Variants in DMRTA2 observed in about 807,000 individuals in gnomAD.
DMRTA2 encodes the protein DMRT like family A2.
A neutral mutation model predicts 29.7 loss-of-function variants in DMRTA2; 10 were observed. That is an observed-to-expected ratio of 0.34 (90% CI 0.21 to 0.57). The LOEUF is 0.57. Among genes scored for constraint, DMRTA2 ranks in the 20% least tolerant of loss-of-function variants. The pLI, the probability that DMRTA2 is intolerant of heterozygous loss-of-function variation, is 0.87. For synonymous variants in DMRTA2, 469 were observed against 402.6 expected, an observed-to-expected ratio of 1.16 and a Z score of -1.97; for missense variants, 783 against 812.1, an observed-to-expected ratio of 0.96 and a Z score of 0.44.
Position 50,419,143 on chromosome 1 carries a change from G to C in DMRTA2, c.1151C>G (p.Pro384Arg), listed in dbSNP as rs1172573966. 1 of 1,225,050 alleles carries C rather than the reference G, an allele frequency of 8.2e-7. No individual in the cohort carries two copies. The allele number at this position is 1,225,050 out of a possible 1,614,324, so 75.9% of individuals were successfully genotyped here. A position where few individuals can be genotyped will look rare whatever the true frequency, so the allele number is the denominator to read the frequency against. ...GGCGGCGGCGGCGTCGACGCGGCTG[G>C]GCCACGCGTCGTCTGCAGCTGCTGC... The part of the protein sequence containing the change: ...GAAAAADDAW[P>R]SRVDAAAAAA... The change falls in exon 3 of 3, where the codon CCC becomes CGC. Residue 384 changes from proline to arginine, a missense_variant. Coordinates refer to ENST00000404795, the MANE Select transcript of DMRTA2 (RefSeq NM_032110.3). This position sits in a 1 kb window ranked among gnomAD's most constrained non-coding sequence, Gnocchi z 6.1.
chr1:50,418,448 G>T lies in DMRTA2; in HGVS notation c.*217C>A. 2.5e-6 allele frequency: 1 copy of T among 393,698 alleles called. No individual in the cohort carries two copies. The highest frequency in any genetic ancestry group is 4.4e-6 in the Non-Finnish European group (1 of 225,082). 24.4% of individuals were successfully genotyped at this position (393,698 alleles called of 1,614,324 possible). On this transcript the variant is annotated 3_prime_UTR_variant, in exon 3 of 3. Coordinates refer to ENST00000404795, the MANE Select transcript of DMRTA2 (RefSeq NM_032110.3). The stretch of plus-strand genomic sequence containing the variant: ...GGTAGGAGATGAGGACCCAGGCCGC[G>T]CACCCCCTCCGAGAACACCTGCACC...
At position 50,418,896 on chromosome 1, in the gene DMRTA2, C is replaced by A; in HGVS notation, c.1398G>T (p.Leu466=). The A allele has an allele frequency of 6.8e-7, 1 of 1,481,198 alleles. No homozygotes were observed. The highest frequency in any genetic ancestry group is 2.8e-5 in the East Asian group (1 of 35,454). The allele number at this position is 1,481,198 out of a possible 1,614,324, so 91.8% of individuals were successfully genotyped here. A position where few individuals can be genotyped will look rare whatever the true frequency, so the allele number is the denominator to read the frequency against. The change falls in exon 3 of 3, where the codon CTG becomes CTT. Residue 466 remains leucine (L), a synonymous_variant. Transcript: ENST00000404795. ...PLGAPLGLSP[L]RLAYSAAAAH... is the part of the protein sequence containing the mutation. ...CCGCCGCCGCGGAGTAGGCCAGGCG[C>A]AGGGGGCTGAGGCCGAGCGGCGCGC...
rs1646026248 is a variant in DMRTA2 at position 50,420,314 on chromosome 1, A to G, written c.560-580T>C. ...TAGAGCGGATCCCTCCTTTCCCTCA[A>G]CGGCTCTGGCCTAATTTCTTCCCTC... is the stretch of plus-strand genomic sequence containing the variant. On this transcript the variant is annotated intron_variant, in intron 2 of 2. Transcript: ENST00000404795. The surrounding 1 kb of genome is among the most constrained non-coding windows in gnomAD (Gnocchi z 4.1). Among the ~76,000 whole-genome samples the G allele has an allele frequency of 6.6e-6, 1 of 152,146 alleles. No individual in the cohort carries two copies. The highest frequency in any genetic ancestry group is 6.5e-5 in the Admixed American group (1 of 15,272).
In DMRTA2 at chr1:50,418,962, G is replaced by A; in HGVS notation, c.1332C>T (p.Asn444=). 1.4e-6 allele frequency: 2 copies of A among 1,448,146 alleles called. No individual in the cohort carries two copies. Among genetic ancestry groups the A allele is most frequent in the Admixed American group, 2.9e-5 (1 of 34,646 alleles). 89.7% of individuals were successfully genotyped at this position (1,448,146 alleles called of 1,614,324 possible). The change falls in exon 3 of 3, where the codon AAC becomes AAT. Residue 444 remains asparagine, a synonymous_variant. Transcript: ENST00000404795. Reference sequence around the variant, plus strand: ...CCGCGTCGGCACCGAAGTGACTGGCGTTGGGCTGCAGCGGCGAGAAGGCCG... The same window carrying A: ...CCGCGTCGGCACCGAAGTGACTGGCATTGGGCTGCAGCGGCGAGAAGGCCG... ...SRSAFSPLQP[N]ASHFGADAGA...
Position 50,419,000 on chromosome 1 carries a change from G to C in DMRTA2, c.1294C>G (p.Leu432Val). Residue 432 changes from leucine to valine, a missense_variant, in exon 3 of 3, where the codon CTG becomes GTG. Coordinates refer to ENST00000404795, the MANE Select transcript of DMRTA2 (RefSeq NM_032110.3). The stretch of plus-strand genomic sequence containing the variant: ...GGCGAGAAGGCCGAGCGGCTGCTCA[G>C]CGAGCCCAGCGCCCCAGGCGCCATG... ...GAMAPGALGS[L>V]SSRSAFSPLQ... The C allele has an allele frequency of 7.1e-7, 1 of 1,416,440 alleles. No individual in the cohort carries two copies. The highest frequency in any genetic ancestry group is 1.5e-5 in the South Asian group (1 of 68,128). 87.7% of individuals were successfully genotyped at this position (1,416,440 alleles called of 1,614,324 possible).
chr1:50,420,466 G>GGGAGGGCGCAGCAAGCGGTTGTCC lies in DMRTA2; in HGVS notation c.559+488_559+511dup, dbSNP rs1178127642. Among the ~76,000 whole-genome samples, 2 of 152,102 alleles carry GGGAGGGCGCAGCAAGCGGTTGTCC rather than the reference G, an allele frequency of 1.3e-5. No individual in the cohort carries two copies. The highest frequency in any genetic ancestry group is 1.3e-4 in the Admixed American group (2 of 15,280). ...GAGGGTGCGGAAGAAACTAGAAGGA[G>GGGAGGGCGCAGCAAGCGGTTGTCC]GGAGGGCGCAGCAAGCGGTTGTCCA... is the stretch of plus-strand genomic sequence containing the variant. On this transcript the variant is annotated intron_variant, in intron 2 of 2. Coordinates refer to ENST00000404795, the MANE Select transcript of DMRTA2 (RefSeq NM_032110.3). This position sits in a 1 kb window ranked among gnomAD's most constrained non-coding sequence, Gnocchi z 4.1.
Position 50,420,933 on chromosome 1 carries a change from G to C in DMRTA2, c.559+45C>G, listed in dbSNP as rs1646032434. ...AAGCCCCTGGGCCCCGTGCCCCAGA[G>C]CTACGATCCTGCTGCCCCTACCTGC... On this transcript the variant is annotated intron_variant, in intron 2 of 2. Transcript: ENST00000404795. This position sits in a 1 kb window ranked among gnomAD's most constrained non-coding sequence, Gnocchi z 4.1. 19 of 1,404,136 alleles carry C rather than the reference G, an allele frequency of 1.4e-5. No homozygotes were observed. The highest frequency in any genetic ancestry group is 1.7e-5 in the Non-Finnish European group (19 of 1,088,846). 87.0% of individuals were successfully genotyped at this position (1,404,136 alleles called of 1,614,324 possible).
Position 50,420,985 on chromosome 1 carries a change from C to T in DMRTA2, c.552G>A (p.Gly184=), listed in dbSNP as rs1646033050. Residue 184 remains glycine, a synonymous_variant, in exon 2 of 3, where the codon GGG becomes GGA. Transcript: ENST00000404795. This position sits in a 1 kb window ranked among gnomAD's most constrained non-coding sequence, Gnocchi z 4.1. ...AGTGGGAAGA[G]GSEAKLQKFD... is the part of the protein sequence containing the mutation. ...GCCTGGCCGCGCTCTCACCTGAGCC[C>T]CCTGCGCCAGCTGCTCCGCCTCCGG... The T allele has an allele frequency of 6.0e-6, 9 of 1,498,416 alleles. No homozygotes were observed. Among genetic ancestry groups the T allele is most frequent in the Middle Eastern group, 2.3e-4 (1 of 4,312 alleles). The allele number at this position is 1,498,416 out of a possible 1,614,324, so 92.8% of individuals were successfully genotyped here. A position where few individuals can be genotyped will look rare whatever the true frequency, so the allele number is the denominator to read the frequency against.
At position 50,418,576 on chromosome 1, in the gene DMRTA2, G is replaced by A; in HGVS notation, c.*89C>T. On this transcript the variant is annotated 3_prime_UTR_variant, in exon 3 of 3. Coordinates refer to ENST00000404795, the MANE Select transcript of DMRTA2 (RefSeq NM_032110.3). ...AGAAGACGCCCAGCCAGGGCGCAGA[G>A]AGAGCGCTGGGCGAAGAGGGGTCGA... The A allele has an allele frequency of 8.7e-7, 1 of 1,152,214 alleles. No individual in the cohort carries two copies. Among genetic ancestry groups the A allele is most frequent in the Non-Finnish European group, 1.1e-6 (1 of 884,734 alleles). The allele number at this position is 1,152,214 out of a possible 1,614,324, so 71.4% of individuals were successfully genotyped here. A position where few individuals can be genotyped will look rare whatever the true frequency, so the allele number is the denominator to read the frequency against.
In DMRTA2 at chr1:50,421,465, C is replaced by A; in HGVS notation, c.72G>T (p.Pro24=). The A allele has an allele frequency of 1.5e-6, 2 of 1,292,582 alleles. No individual in the cohort carries two copies. The highest frequency in any genetic ancestry group is 1.9e-6 in the Non-Finnish European group (2 of 1,026,328). The allele number at this position is 1,292,582 out of a possible 1,614,324, so 80.1% of individuals were successfully genotyped here. The change falls in exon 2 of 3, where the codon CCG becomes CCT. Residue 24 remains proline, a synonymous_variant. Transcript: ENST00000404795. The surrounding 1 kb of genome is among the most constrained non-coding windows in gnomAD (Gnocchi z 8.7). ...CCACCGACGCCACCGACGCCACAGG[C>A]GGCCCCGTCGCTGTTGCCGCCGCCG... ...ATAAAATATG[P]PVASVASVAA...
In DMRTA2 at chr1:50,418,681, G is replaced by A; in HGVS notation, c.1613C>T (p.Ala538Val). ...CCCCTCGCCCTACTGCTTCTCCGGA[G>A]CGCCGTTGACCATAGGCCCGTACAG... ...GGLYGPMVNG[A>V]PEKQ Residue 538 changes from alanine to valine, a missense_variant, in exon 3 of 3, where the codon GCT becomes GTT. This residue lies in a region of DMRTA2 where 667 missense variants were observed against 624.8 expected (regional missense o/e 1.07). Transcript: ENST00000404795. 1.4e-6 allele frequency: 2 copies of A among 1,411,950 alleles called. No homozygotes were observed. The highest frequency in any genetic ancestry group is 1.8e-6 in the Non-Finnish European group (2 of 1,081,906). 87.5% of individuals were successfully genotyped at this position (1,411,950 alleles called of 1,614,324 possible).
Position 50,418,597 on chromosome 1 carries a change from G to A in DMRTA2, c.*68C>T. On this transcript the variant is annotated 3_prime_UTR_variant, in exon 3 of 3. Transcript: ENST00000404795. The stretch of plus-strand genomic sequence containing the variant: ...CAGAGAGAGCGCTGGGCGAAGAGGG[G>A]TCGATGGCCCGCGGGAACAGGGCTG... The A allele has an allele frequency of 7.9e-7, 1 of 1,271,504 alleles. No individual in the cohort carries two copies. The highest frequency in any genetic ancestry group is 3.1e-5 in the East Asian group (1 of 32,002). 78.8% of individuals were successfully genotyped at this position (1,271,504 alleles called of 1,614,324 possible). A position where few individuals can be genotyped will look rare whatever the true frequency, so the allele number is the denominator to read the frequency against.
At position 50,418,909 on chromosome 1, in the gene DMRTA2, C is replaced by T. The variant is rs1287518698; in HGVS notation, c.1385G>A (p.Gly462Asp). The T allele has an allele frequency of 2.5e-5, 36 of 1,445,044 alleles. No individual in the cohort carries two copies. The highest frequency in any genetic ancestry group is 3.0e-5 in the Non-Finnish European group (33 of 1,105,460). 89.5% of individuals were successfully genotyped at this position (1,445,044 alleles called of 1,614,324 possible). A position where few individuals can be genotyped will look rare whatever the true frequency, so the allele number is the denominator to read the frequency against. The change falls in exon 3 of 3, where the codon GGC becomes GAC. Residue 462 changes from glycine to aspartate, a missense_variant. Physicochemically the swap from Gly to Asp is moderately conservative, Grantham distance 94. This residue lies in a region of DMRTA2 where 667 missense variants were observed against 624.8 expected (regional missense o/e 1.07). Transcript: ENST00000404795. ...AGAYPLGAPL[G>D]LSPLRLAYSA... ...GTAGGCCAGGCGCAGGGGGCTGAGGCCGAGCGGCGCGCCCAGCGGGTAGGC... is the reference window on the plus strand; with the variant it reads ...GTAGGCCAGGCGCAGGGGGCTGAGGTCGAGCGGCGCGCCCAGCGGGTAGGC...
At position 50,419,682 on chromosome 1, in the gene DMRTA2, G is replaced by T; in HGVS notation, c.612C>A (p.Gly204=). Residue 204 remains glycine (G), a synonymous_variant, in exon 3 of 3, where the codon GGC becomes GGA. Transcript: ENST00000404795. This position sits in a 1 kb window ranked among gnomAD's most constrained non-coding sequence, Gnocchi z 6.1. ...DLFPKTLLQA[G]RPGSPLPPPV... ...GCGGCGGCAGCGGGCTGCCCGGGCG[G>T]CCTGCCTGCAGCAGCGTCTTAGGAA... 1 of 1,499,616 alleles carries T rather than the reference G, an allele frequency of 6.7e-7. No homozygotes were observed. The highest frequency in any genetic ancestry group is 8.9e-7 in the Non-Finnish European group (1 of 1,128,784). 92.9% of individuals were successfully genotyped at this position (1,499,616 alleles called of 1,614,324 possible). A position where few individuals can be genotyped will look rare whatever the true frequency, so the allele number is the denominator to read the frequency against.
Position 50,418,709 on chromosome 1 carries a change from C to A in DMRTA2, c.1585G>T (p.Gly529Cys). 6.6e-7 allele frequency: 1 copy of A among 1,507,114 alleles called. No individual in the cohort carries two copies. 93.4% of individuals were successfully genotyped at this position (1,507,114 alleles called of 1,614,324 possible). ...CCGTTGACCATAGGCCCGTACAGGC[C>A]GCCGCCGTAGGTCGGCTCCTTGTGC... ...AVHKEPTYGGGLYGPMVNGAP... is the reference protein window; with the variant it reads ...AVHKEPTYGGCLYGPMVNGAP... The change falls in exon 3 of 3, where the codon GGC becomes TGC. Residue 529 changes from glycine to cysteine, a missense_variant. Gly to Cys is a radical substitution (Grantham distance 159). Coordinates refer to ENST00000404795, the MANE Select transcript of DMRTA2 (RefSeq NM_032110.3).
Position 50,421,306 on chromosome 1 carries a change from G to A in DMRTA2, c.231C>T (p.Gly77=), listed in dbSNP as rs1646036507. ...TGTGGCCCTTGAGGGCCGACACCAC[G>A]CCATGGTTGCGACAGCGCGCGCACT... ...TPKCARCRNH[G]VVSALKGHKR... is the part of the protein sequence containing the mutation. The change falls in exon 2 of 3, where the codon GGC becomes GGT. Residue 77 remains glycine (G), a synonymous_variant. Transcript: ENST00000404795. The surrounding 1 kb of genome is among the most constrained non-coding windows in gnomAD (Gnocchi z 8.7). The A allele has an allele frequency of 2.0e-6, 3 of 1,531,268 alleles. No homozygotes were observed. The highest frequency in any genetic ancestry group is 2.6e-6 in the Non-Finnish European group (3 of 1,138,644). 94.9% of individuals were successfully genotyped at this position (1,531,268 alleles called of 1,614,324 possible). A position where few individuals can be genotyped will look rare whatever the true frequency, so the allele number is the denominator to read the frequency against.
rs747637648 is a variant in DMRTA2 at position 50,419,634 on chromosome 1, G to A, written c.660C>T (p.Asp220=). ...ACGTCCCGGGCCCCGAGTCTGCGCC[G>A]TCGGGTGATAAGGGCTTCACCGGCG... ...LPPPVKPLSP[D]GADSGPGTSS... The change falls in exon 3 of 3, where the codon GAC becomes GAT. Residue 220 remains aspartate (D), a synonymous_variant. Transcript: ENST00000404795. This position sits in a 1 kb window ranked among gnomAD's most constrained non-coding sequence, Gnocchi z 6.1. 2.6e-6 allele frequency: 4 copies of A among 1,523,408 alleles called. No individual in the cohort carries two copies. The South Asian group carries it at 5.1e-5, about 19-fold the overall frequency. 94.4% of individuals were successfully genotyped at this position (1,523,408 alleles called of 1,614,324 possible). A position where few individuals can be genotyped will look rare whatever the true frequency, so the allele number is the denominator to read the frequency against.
At position 50,418,591 on chromosome 1, in the gene DMRTA2, AG is replaced by A; in HGVS notation, c.*73del. The A allele has an allele frequency of 8.1e-7, 1 of 1,236,404 alleles. No homozygotes were observed. Among genetic ancestry groups the A allele is most frequent in the Non-Finnish European group, 1.0e-6 (1 of 954,968 alleles). The allele number at this position is 1,236,404 out of a possible 1,614,324, so 76.6% of individuals were successfully genotyped here. On this transcript the variant is annotated 3_prime_UTR_variant, in exon 3 of 3. Coordinates refer to ENST00000404795, the MANE Select transcript of DMRTA2 (RefSeq NM_032110.3). Reference sequence around the variant, plus strand: ...AGGGCGCAGAGAGAGCGCTGGGCGAAGAGGGGTCGATGGCCCGCGGGAACAG... The same window carrying A: ...AGGGCGCAGAGAGAGCGCTGGGCGAAAGGGGTCGATGGCCCGCGGGAACAG...
rs921402147 is a variant in DMRTA2, at chr1:50,418,742, C to A, written c.1552G>T (p.Ala518Ser). Residue 518 changes from alanine (A) to serine (S), a missense_variant, in exon 3 of 3, where the codon GCG becomes TCG. Physicochemically the swap from Ala to Ser is moderately conservative, Grantham distance 99. This residue lies in a region of DMRTA2 where 667 missense variants were observed against 624.8 expected (regional missense o/e 1.07). Coordinates refer to ENST00000404795, the MANE Select transcript of DMRTA2 (RefSeq NM_032110.3). ...TAGGTCGGCTCCTTGTGCACCGCCG[C>A]AGCAGCGGCGGCCGAGCGGTCACGC... is the stretch of plus-strand genomic sequence containing the variant. The part of the protein sequence containing the change: ...LMRDRSAAAA[A>S]AVHKEPTYGG... 6 of 1,558,550 alleles carry A rather than the reference C, an allele frequency of 3.8e-6. No individual in the cohort carries two copies. The highest frequency in any genetic ancestry group is 4.3e-6 in the Non-Finnish European group (5 of 1,156,500).
Sources: allele counts gnomAD v4.1 joint callset (sites outside exome capture counted in the v4.1 genomes callset), GRCh38; gene constraint gnomAD v4.1.1; regional missense constraint gnomAD v4.1.1; non-coding constraint Gnocchi (gnomAD v3.1); transcripts MANE v1.5; gene names NCBI Gene and HGNC (gene_info 2026-07-23, HGNC 2026-07-21).